Variants in INPP4B observed in about 807,000 individuals in gnomAD.
INPP4B encodes the protein inositol polyphosphate 4-phosphatase type II.
A neutral mutation model predicts 122.5 loss-of-function variants in INPP4B; 55 were observed. The observed-to-expected ratio is 0.45, with a 90% CI of 0.36 to 0.56. The LOEUF (loss-of-function observed/expected upper bound fraction) is 0.56, where lower values mean the gene tolerates loss of function less well. INPP4B is among the 20% of genes least tolerant of loss of function. The probability of loss-of-function intolerance (pLI) is 0.00; values close to 1 mark genes in which losing one functional copy is unlikely to be tolerated. For missense variants in INPP4B, 1,000 were observed against 1,097.7 expected (o/e 0.91, Z 1.26); for synonymous variants, 403 against 388.7 (o/e 1.04, Z -0.43).
intron 2 of INPP4B, among the ~76,000 whole-genome samples, chr4:142,654,980 G>T (rs1018394324): frequency 6.6e-6 from 1 of 152,042 alleles, no homozygotes; most frequent in Non-Finnish European, 1.5e-5. Context: ...TAATTGAAAG[G>T]ATTCCTGAAT....
intron 21 of INPP4B, among the ~76,000 whole-genome samples, chr4:142,121,921 A>G (rs1343077521): frequency 6.6e-6 from 1 of 152,118 alleles, no homozygotes; most frequent in East Asian, 1.9e-4. Flanking sequence ...TCAACTCACT[A>G]CAATTTAAAA....
chr4:142,444,345 G>A (rs186948057), intron 3 of INPP4B, among the ~76,000 whole-genome samples: 48 of 152,200 alleles, frequency 3.2e-4, no homozygotes, highest in Admixed American at 6.5e-4. Context: ...AAGTGTGGGC[G>A]TAGGATATGA....
At chr4:142,182,546 C>A (rs1462123985) in intron 15 of INPP4B, among the ~76,000 whole-genome samples, 30 of 30,692 alleles carry the variant, frequency 9.8e-4, no homozygotes, top group South Asian at 3.4e-3. Flanking sequence ...GACTCTGTCT[C>A]AAAAAAAAAA....
At chr4:142,038,764 C>G (rs977434042) in intron 25 of INPP4B, among the ~76,000 whole-genome samples, 1 of 152,078 alleles carries the variant, frequency 6.6e-6, no homozygotes, top group Admixed American at 6.5e-5. Flanking sequence ...TAGTGTAAGG[C>G]GTAGGCTGCC....
At chr4:142,199,160 G>A (rs891237347) in intron 14 of INPP4B, among the ~76,000 whole-genome samples, 3 of 151,750 alleles carry the variant, frequency 2.0e-5, no homozygotes, top group Admixed American at 6.6e-5. Context: ...TTCTCCAAAC[G>A]GAAATCATTG....
intron 12 of INPP4B, among the ~76,000 whole-genome samples, chr4:142,217,726 G>A (rs1412321285): frequency 6.6e-6 from 1 of 152,140 alleles, no homozygotes; most frequent in African/African-American, 2.4e-5. Context: ...AGATTTTTGA[G>A]GGAGATTAAC....
chr4:142,226,592 A>C (rs1312914321), intron 12 of INPP4B, among the ~76,000 whole-genome samples: 6 of 152,198 alleles, frequency 3.9e-5, no homozygotes, highest in African/African-American at 1.4e-4. Flanking sequence ...TACTGTAAAT[A>C]TGCATTTTAT....
intron 25 of INPP4B, among the ~76,000 whole-genome samples, chr4:142,079,071 T>C (rs1042476190): frequency 2.0e-5 from 3 of 152,016 alleles, no homozygotes; most frequent in Non-Finnish European, 4.4e-5. Context: ...ACATATGTAT[T>C]GCGTTTTAGT....
intron 2 of INPP4B, among the ~76,000 whole-genome samples, chr4:142,680,961 C>A (rs1473244185): frequency 6.6e-6 from 1 of 151,834 alleles, no homozygotes; most frequent in African/African-American, 2.4e-5. Flanking sequence ...TCATGAAAGT[C>A]AGAAAATCCA....
At chr4:142,798,866 G>A (rs1777630181) in intron 1 of INPP4B, among the ~76,000 whole-genome samples, 1 of 151,544 alleles carries the variant, frequency 6.6e-6, no homozygotes, top group African/African-American at 2.4e-5. Context: ...GTGTGTGTGT[G>A]TGTATAAAGT....
At chr4:142,221,454 C>A (rs1849359907) in intron 12 of INPP4B, among the ~76,000 whole-genome samples, 1 of 148,288 alleles carries the variant, frequency 6.7e-6, no homozygotes, top group Admixed American at 6.7e-5. Context: ...GAAACCTTAG[C>A]AGAGAACATC....
At chr4:142,230,298 A>G (rs1273064583) in intron 12 of INPP4B, among the ~76,000 whole-genome samples, 5 of 152,178 alleles carry the variant, frequency 3.3e-5, no homozygotes, top group Non-Finnish European at 4.4e-5. Flanking sequence ...TGGTCACAGG[A>G]AACAAACCTC....
intron 1 of INPP4B, among the ~76,000 whole-genome samples, chr4:142,763,748 A>G (rs1173969580): frequency 6.6e-6 from 1 of 152,172 alleles, no homozygotes; most frequent in Non-Finnish European, 1.5e-5. Flanking sequence ...AATTTTAACT[A>G]TGGTTCAATT....
At chr4:142,464,353 A>T (rs2149613827) in intron 2 of INPP4B, among the ~76,000 whole-genome samples, 1 of 152,212 alleles carries the variant, frequency 6.6e-6, no homozygotes, top group African/African-American at 2.4e-5. Context: ...TTGTTCTTTA[A>T]CCATTGTACC....
chr4:142,248,630 ATGTGTGTGTGTGTGTGTGTGTATG>A (rs1561612666), intron 11 of INPP4B, among the ~76,000 whole-genome samples: 1 of 148,544 alleles, frequency 6.7e-6, no homozygotes, highest in South Asian at 2.1e-4. Context: ...CACTCTCTGT[ATGTGTGTGTGTGTGTGTGTGTATG>A]TGTGTGTGTG....
chr4:142,029,373 T>C, intron 25 of INPP4B: 1 of 985,512 alleles, frequency 1.0e-6, no homozygotes, highest in Non-Finnish European at 1.2e-6. Flanking sequence ...ATCTCTATTT[T>C]ATTATTTTAG....
At chr4:142,656,785 C>T (rs187739596) in intron 2 of INPP4B, among the ~76,000 whole-genome samples, 3 of 152,202 alleles carry the variant, frequency 2.0e-5, no homozygotes, top group South Asian at 4.2e-4. Flanking sequence ...AACAAGTTAG[C>T]CCTTAAAGAT....
At chr4:142,587,932 C>G (rs534640752) in intron 2 of INPP4B, among the ~76,000 whole-genome samples, 2 of 151,738 alleles carry the variant, frequency 1.3e-5, no homozygotes, top group Admixed American at 6.6e-5. Flanking sequence ...TGCAAAAATG[C>G]TCAACAAAAA....
chr4:142,522,112 C>T lies in INPP4B; in HGVS notation c.-190-59386G>A, dbSNP rs113572458. Among the ~76,000 whole-genome samples the T allele has an allele frequency of 3.9e-4, 60 of 152,124 alleles. 1 individual carries two copies. The highest frequency in any genetic ancestry group is 3.4e-3 in the Middle Eastern group (1 of 294). ...ATATGTAAAACAATGACAATATTGCCAACTTTTTTTCTTTATGATTTACCT... is the reference window on the plus strand; with the variant it reads ...ATATGTAAAACAATGACAATATTGCTAACTTTTTTTCTTTATGATTTACCT... On this transcript the variant is annotated intron_variant, in intron 2 of 25. Transcript: ENST00000262992.
Sources: gnomAD v4.1 joint callset for allele counts (sites outside exome capture counted in the v4.1 genomes callset) on GRCh38, gnomAD v4.1.1 for gene constraint, MANE v1.5 for transcripts, NCBI Gene and HGNC (gene_info 2026-07-23, HGNC 2026-07-21) for gene names.